TTC34: variants seen among roughly 807,000 people sequenced by gnomAD.
TTC34 encodes tetratricopeptide repeat protein 34.
A neutral mutation model predicts 40.7 loss-of-function variants in TTC34; 44 were observed. The ratio of observed to expected loss-of-function variants is 1.08; its 90% CI spans 0.85 to 1.39. The LOEUF (loss-of-function observed/expected upper bound fraction) is 1.39. TTC34 is among the 40% of genes most tolerant of loss of function. The probability of loss-of-function intolerance (pLI) is 0.00; values close to 1 mark genes in which losing one functional copy is unlikely to be tolerated. For missense variants in TTC34, 884 were observed against 838.0 expected (o/e 1.05, Z -0.68); for synonymous variants, 422 against 398.6 (o/e 1.06, Z -0.70).
At chr1:2,656,317 C>G (rs1200319909) in intron 6 of TTC34, among the ~76,000 whole-genome samples, 4 of 150,706 alleles carry the variant, frequency 2.7e-5, no homozygotes, top group African/African-American at 9.8e-5. Context: ...CATCTGACAG[C>G]ATGCAACAGC....
intron 7 of TTC34, among the ~76,000 whole-genome samples, chr1:2,644,736 A>C (rs1244235143): frequency 6.6e-6 from 1 of 152,206 alleles, no homozygotes; most frequent in Non-Finnish European, 1.5e-5. Flanking sequence ...TCTCCCGGGC[A>C]ACTAGAGGCA....
intron 6 of TTC34, among the ~76,000 whole-genome samples, chr1:2,748,983 C>T (rs1641231905): frequency 8.0e-6 from 1 of 124,470 alleles, no homozygotes; most frequent in Admixed American, 8.7e-5. Context: ...CATCTGACGG[C>T]CTGGAACAGC....
rs965920436 is a variant in TTC34, at chr1:2,785,822, C to A, written c.2056G>T (p.Ala686Ser). The A allele has an allele frequency of 2.7e-5, 41 of 1,543,420 alleles. No homozygotes were observed. The Admixed American group carries it at 6.7e-4, about 25-fold the overall frequency. Residue 686 changes from alanine to serine, a missense_variant, in exon 5 of 9, where the codon GCA becomes TCA. By Grantham distance (99) the Ala-to-Ser change is moderately conservative. Coordinates refer to ENST00000401095, the Ensembl canonical transcript of TTC34. Reference sequence around the variant, plus strand: ...GGGGCAGGTGGGCAGCTCCTACCTGCGGCAAAGATGGCCAGAGACAGGTAG... The same window carrying A: ...GGGGCAGGTGGGCAGCTCCTACCTGAGGCAAAGATGGCCAGAGACAGGTAG...
At chr1:2,749,905 G>C (rs1327527510) in intron 6 of TTC34, among the ~76,000 whole-genome samples, 292 of 72,184 alleles carry the variant, frequency 4.0e-3, no homozygotes, top group Middle Eastern at 7.5e-3. Context: ...GCATCTGACA[G>C]CCTGGGTCGG....
intron 5 of TTC34, 60 bp from the exon 6 acceptor site, chr1:2,783,835 A>G: frequency 7.4e-7 from 1 of 1,358,158 alleles, no homozygotes; most frequent in Non-Finnish European, 9.6e-7. Flanking sequence ...CCCAGCATCT[A>G]TCCTGCCCAG....
chr1:2,768,482 G>A (rs1174068825), intron 6 of TTC34, among the ~76,000 whole-genome samples: 3 of 149,800 alleles, frequency 2.0e-5, no homozygotes, highest in Non-Finnish European at 3.0e-5. Context: ...TTTGATAAGT[G>A]GGGAAAAGCT....
exon 6 of TTC34, chr1:2,783,672 C>A: frequency 6.5e-7 from 1 of 1,539,234 alleles, no homozygotes; most frequent in Non-Finnish European, 8.8e-7. Flanking sequence ...CGTTCCCCGG[C>A]TCAGCCCGCA....
At chr1:2,657,362 C>T (rs1452825457) in intron 6 of TTC34, among the ~76,000 whole-genome samples, 2 of 96,290 alleles carry the variant, frequency 2.1e-5, no homozygotes, top group African/African-American at 6.2e-5. Flanking sequence ...CATCTGACAA[C>T]TTGGAGCAGC....
chr1:2,692,481 A>G (rs1264621157), intron 6 of TTC34, among the ~76,000 whole-genome samples: 12 of 139,370 alleles, frequency 8.6e-5, no homozygotes, highest in South Asian at 2.4e-4. Flanking sequence ...TGAGCATCTG[A>G]CAGCCTGGAA....
At chr1:2,683,148 C>A (rs1201141937) in intron 6 of TTC34, among the ~76,000 whole-genome samples, 2 of 132,994 alleles carry the variant, frequency 1.5e-5, no homozygotes, top group Admixed American at 7.4e-5. Flanking sequence ...ACAGCACGCA[C>A]AGCCCCAGGA....
exon 9 of TTC34, chr1:2,638,688 G>C (rs974801192): frequency 6.6e-6 from 1 of 152,324 alleles, no homozygotes; most frequent in African/African-American, 2.4e-5. Context: ...CCAGGCCTCA[G>C]GGACGAGTGC....
At chr1:2,660,822 G>C (rs1414579765) in intron 6 of TTC34, among the ~76,000 whole-genome samples, 121 of 8,672 alleles carry the variant, frequency 0.014, no homozygotes, top group Non-Finnish European at 0.017. Context: ...GCCTGGAACA[G>C]CACCCACATC....
At chr1:2,694,954 C>G (rs551319444) in intron 6 of TTC34, among the ~76,000 whole-genome samples, 1 of 150,806 alleles carries the variant, frequency 6.6e-6, no homozygotes, top group East Asian at 1.9e-4. Flanking sequence ...ACCCACACCC[C>G]CAGGTGAGCA....
At chr1:2,644,191 G>C (rs181729576) in intron 8 of TTC34, 73 bp downstream of exon 8, 3 of 1,416,822 alleles carry the variant, frequency 2.1e-6, no homozygotes, top group East Asian at 5.0e-5. Flanking sequence ...CTGCCCCAGT[G>C]GTGGGCCCGG....
rs78911469 is a variant in TTC34, at chr1:2,772,539, G to C, written c.2226+11070C>G. 4.4e-3 allele frequency among the ~76,000 whole-genome samples: 44 copies of C among 9,972 alleles called. No homozygotes were observed. The South Asian group carries it at 0.046, about 10-fold the overall frequency. The allele number at this position is 9,972 out of a possible 152,430, so 6.5% of individuals were successfully genotyped here. A position where few individuals can be genotyped will look rare whatever the true frequency, so the allele number is the denominator to read the frequency against. ...TGGAACAGCACCCACACCCCCAGGT[G>C]AGCATCTCACAGCCTGCAGCAGCAC... On this transcript the variant is annotated intron_variant, in intron 6 of 8. Coordinates refer to ENST00000401095, the Ensembl canonical transcript of TTC34.
intron 6 of TTC34, among the ~76,000 whole-genome samples, chr1:2,755,943 AC>A (rs1230526966): frequency 1.3e-5 from 1 of 76,650 alleles, no homozygotes; most frequent in Non-Finnish European, 2.3e-5. Flanking sequence ...AGCACCCTGC[AC>A]CCCCAGGTGA....
intron 6 of TTC34, among the ~76,000 whole-genome samples, chr1:2,696,889 G>T (rs28676717): frequency 2.5e-5 from 1 of 40,718 alleles, no homozygotes. Context: ...ACCCCCAGAT[G>T]CGCATCTGAT....
chr1:2,694,717 G>T (rs1414564686), intron 6 of TTC34, among the ~76,000 whole-genome samples: 2 of 82,950 alleles, frequency 2.4e-5, no homozygotes, highest in African/African-American at 7.8e-5. Context: ...ACAACCACAG[G>T]TGAGCATCTG....
At chr1:2,674,351 A>AC in intron 6 of TTC34, among the ~76,000 whole-genome samples, 1 of 41,702 alleles carries the variant, frequency 2.4e-5, no homozygotes. Context: ...CTGGAACAGC[A>AC]CCCACAGGCC....
Sources: allele counts gnomAD v4.1 joint callset (sites outside exome capture counted in the v4.1 genomes callset), GRCh38; gene constraint gnomAD v4.1.1; transcripts MANE v1.5; gene names NCBI Gene and HGNC (gene_info 2026-07-23, HGNC 2026-07-21).